The following CCDC68 variants were observed in gnomAD, a reference collection of about 807,000 sequenced individuals.
The protein encoded by CCDC68 is coiled-coil domain-containing protein 68.
A neutral mutation model predicts 47.1 loss-of-function variants in CCDC68; 45 were observed. That is an observed-to-expected ratio of 0.96 (90% CI 0.75 to 1.23). The LOEUF is 1.23. CCDC68 is among the 50% of genes most tolerant of loss of function. The probability of loss-of-function intolerance (pLI) is 0.00; values close to 1 mark genes in which losing one functional copy is unlikely to be tolerated. For missense variants in CCDC68, 353 were observed against 373.6 expected, an observed-to-expected ratio of 0.94 and a Z score of 0.45; for synonymous variants, 131 against 129.5, an observed-to-expected ratio of 1.01 and a Z score of -0.08.
At chr18:54,926,652 C>G (rs2044150203) in intron 8 of CCDC68, among the ~76,000 whole-genome samples, 1 of 152,160 alleles carries the variant, frequency 6.6e-6, no homozygotes, top group Non-Finnish European at 1.5e-5. Context: ...TGGAAAATGG[C>G]TTTTTGCTAG....
chr18:54,917,864 C>A, intron 10 of CCDC68, 49 bp downstream of exon 10: 11 of 1,014,608 alleles, frequency 1.1e-5, no homozygotes, highest in Non-Finnish European at 1.7e-5. Flanking sequence ...CACACACACA[C>A]ACACACTCAC....
chr18:54,926,450 C>G (rs148530142), intron 8 of CCDC68, among the ~76,000 whole-genome samples: 39 of 152,306 alleles, frequency 2.6e-4, no homozygotes, highest in African/African-American at 8.4e-4. Context: ...CTAACCGCCC[C>G]CATGGTTCAA....
rs970587674 is a variant in CCDC68 at position 54,919,437 on chromosome 18, G to A, written c.684-61C>T. The A allele has an allele frequency of 7.8e-5, 104 of 1,339,738 alleles. No homozygotes were observed. In the East Asian group the frequency reaches 2.0e-3, roughly 25 times the overall value. 83.0% of individuals were successfully genotyped at this position (1,339,738 alleles called of 1,614,324 possible). ...GATTGGCTCACACGTTCCATAGCTC[G>A]TCCTTACTGCTAGCCCTCCTACACA... On this transcript the variant is annotated intron_variant, in intron 8 of 11. Transcript: ENST00000591504.
At chr18:54,943,588 G>A (rs2044472802) in intron 2 of CCDC68, among the ~76,000 whole-genome samples, 2 of 152,104 alleles carry the variant, frequency 1.3e-5, no homozygotes, top group Admixed American at 1.3e-4. Flanking sequence ...ATTATTTCAA[G>A]TGATTAAAAA....
At chr18:54,945,882 T>C (rs1046568131) in intron 1 of CCDC68, among the ~76,000 whole-genome samples, 2 of 151,926 alleles carry the variant, frequency 1.3e-5, no homozygotes, top group African/African-American at 2.4e-5. Flanking sequence ...ACCCATAGAG[T>C]CAATATGCAG....
Position 54,907,860 on chromosome 18 carries a change from A to G in CCDC68, c.876T>C (p.Asn292=), listed in dbSNP as rs1568130404. 6.3e-7 allele frequency: 1 copy of G among 1,583,000 alleles called. No homozygotes were observed. ...REKVNILEAQ[N]KELKTQVALS... ...GTGCTACCTGGGTTTTTAGTTCTTT[A>G]TTCTAAAATTGAAAAAAAATGCAGA... The change falls in exon 11 of 12, where the codon AAT becomes AAC. Residue 292 remains asparagine, a splice_region_variant and synonymous_variant. Coordinates refer to ENST00000591504, the MANE Select transcript of CCDC68 (RefSeq NM_025214.3).
intron 10 of CCDC68, among the ~76,000 whole-genome samples, chr18:54,915,937 A>G (rs1001681678): frequency 1.3e-5 from 2 of 152,086 alleles, no homozygotes; most frequent in African/African-American, 4.8e-5. Context: ...TCAAATATAT[A>G]TATATATATG....
chr18:54,948,206 A>T (rs895288219), intron 1 of CCDC68, among the ~76,000 whole-genome samples: 1 of 152,170 alleles, frequency 6.6e-6, no homozygotes, highest in Non-Finnish European at 1.5e-5. Flanking sequence ...AGTAAACATG[A>T]GGTCACACTG....
chr18:54,953,083 T>C (rs534793011), intron 1 of CCDC68, among the ~76,000 whole-genome samples: 1 of 152,144 alleles, frequency 6.6e-6, no homozygotes, highest in Admixed American at 6.5e-5. Context: ...TCATGCTAAC[T>C]GAAACAGCCA....
At chr18:54,952,795 C>T (rs1421504925) in intron 1 of CCDC68, among the ~76,000 whole-genome samples, 1 of 152,146 alleles carries the variant, frequency 6.6e-6, no homozygotes, top group Admixed American at 6.6e-5. Flanking sequence ...AGCTGATCAC[C>T]TGAGGTCAGG....
rs1599012803 is a variant in CCDC68 at position 54,903,182 on chromosome 18, A to G, written c.*1176T>C. ...CAACACTGATATTTCACATTCCATA[A>G]TGAAAGAGTCAGCATCTTTTCTGAG... On this transcript the variant is annotated 3_prime_UTR_variant, in exon 12 of 12. Transcript: ENST00000591504. 1 of 152,272 alleles carries G rather than the reference A, an allele frequency of 6.6e-6. No individual in the cohort carries two copies. The highest frequency in any genetic ancestry group is 3.4e-3 in the Middle Eastern group (1 of 294). 9.4% of individuals were successfully genotyped at this position (152,272 alleles called of 1,614,324 possible).
chr18:54,902,224 C>A lies in CCDC68; in HGVS notation c.*2134G>T, dbSNP rs1489031668. 1 of 152,204 alleles carries A rather than the reference C, an allele frequency of 6.6e-6. No homozygotes were observed. The highest frequency in any genetic ancestry group is 3.4e-3 in the Middle Eastern group (1 of 292). The allele number at this position is 152,204 out of a possible 1,614,324, so 9.4% of individuals were successfully genotyped here. On this transcript the variant is annotated 3_prime_UTR_variant, in exon 12 of 12. Coordinates refer to ENST00000591504, the MANE Select transcript of CCDC68 (RefSeq NM_025214.3). ...GGTTTCACCACTGTATTTCCATGTT[C>A]AAAAATGAGTATAGTGAAATCAAAA...
At chr18:54,936,262 AAT>A (rs929936759) in intron 6 of CCDC68, among the ~76,000 whole-genome samples, 2 of 145,474 alleles carry the variant, frequency 1.4e-5, no homozygotes, top group African/African-American at 5.0e-5. Context: ...TATATTTAAA[AAT>A]ATATAGTTAT....
At chr18:54,929,635 T>C (rs779227180) in intron 7 of CCDC68, among the ~76,000 whole-genome samples, 2 of 152,014 alleles carry the variant, frequency 1.3e-5, no homozygotes, top group Non-Finnish European at 2.9e-5. Flanking sequence ...TCAAGGGAGA[T>C]TGAAAAAAGG....
intron 10 of CCDC68, among the ~76,000 whole-genome samples, chr18:54,911,828 A>C (rs1022874923): frequency 1.3e-5 from 2 of 152,212 alleles, no homozygotes; most frequent in Non-Finnish European, 2.9e-5. Flanking sequence ...TCAGTACCAA[A>C]CAATACAAAA....
intron 9 of CCDC68, among the ~76,000 whole-genome samples, chr18:54,918,575 C>T (rs761652412): frequency 6.6e-5 from 10 of 152,182 alleles, no homozygotes; most frequent in Non-Finnish European, 1.5e-4. Flanking sequence ...CCCCCAAAGT[C>T]CCTCCTGGCT....
chr18:54,913,318 C>T (rs921835323), intron 10 of CCDC68, among the ~76,000 whole-genome samples: 4 of 152,044 alleles, frequency 2.6e-5, no homozygotes, highest in Admixed American at 6.5e-5. Context: ...TCAAAAGTTG[C>T]TGGGTTTAAA....
intron 7 of CCDC68, among the ~76,000 whole-genome samples, chr18:54,934,398 G>C (rs933040615): frequency 2.6e-5 from 4 of 152,146 alleles, no homozygotes; most frequent in African/African-American, 9.7e-5. Flanking sequence ...ACACAAAGTA[G>C]ACTTGGGTGG....
chr18:54,937,019 C>T (rs2044361463), intron 5 of CCDC68, 61 bp from the exon 6 acceptor site: 4 of 1,558,780 alleles, frequency 2.6e-6, no homozygotes, highest in Non-Finnish European at 3.5e-6. Context: ...AAAGGCAGAA[C>T]AGTTTGATGG....
Sources: gnomAD v4.1 joint callset for allele counts (sites outside exome capture counted in the v4.1 genomes callset) on GRCh38, gnomAD v4.1.1 for gene constraint, MANE v1.5 for transcripts, NCBI Gene and HGNC (gene_info 2026-07-23, HGNC 2026-07-21) for gene names.